The following NRXN1 variants were observed in gnomAD, a reference collection of about 807,000 sequenced individuals.
NRXN1 encodes neurexin-1.
Under a neutral mutation model 150.9 loss-of-function variants are expected in NRXN1, and 39 were observed. The ratio of observed to expected loss-of-function variants is 0.26; its 90% CI spans 0.20 to 0.34. The LOEUF is 0.34. Among genes scored for constraint, NRXN1 ranks in the 10% least tolerant of loss-of-function variants. The pLI is 1.00. For missense variants in NRXN1, 1,815 were observed against 1,949.9 expected (o/e 0.93, Z 1.30); for synonymous variants, 924 against 757.0 (o/e 1.22, Z -3.62).
intron 21 of NRXN1, among the ~76,000 whole-genome samples, chr2:50,028,451 C>G (rs6736816): frequency 0.76 from 116,250 of 152,160 alleles, 44,620 homozygotes; most frequent in Middle Eastern, 0.81. Flanking sequence ...TTGTAAATAG[C>G]CATATCTAGT....
chr2:50,260,206 C>G (rs1247316099), intron 17 of NRXN1, among the ~76,000 whole-genome samples: 1 of 151,324 alleles, frequency 6.6e-6, no homozygotes, highest in African/African-American at 2.4e-5. Context: ...GTACTGGTAG[C>G]CCATATGATG....
intron 17 of NRXN1, among the ~76,000 whole-genome samples, chr2:50,402,399 T>C (rs1278646415): frequency 6.6e-6 from 1 of 152,144 alleles, no homozygotes; most frequent in Non-Finnish European, 1.5e-5. Context: ...ATGTAAAGTA[T>C]GTTGAACTGT....
chr2:50,329,636 T>C lies in NRXN1; in HGVS notation c.3365-92666A>G, dbSNP rs1558536519. Among the ~76,000 whole-genome samples, 8 of 4,740 alleles carry C rather than the reference T, an allele frequency of 1.7e-3. 1 individual carries two copies. The highest frequency in any genetic ancestry group is 1.6e-3 in the Non-Finnish European group (5 of 3,128). The allele number at this position is 4,740 out of a possible 152,430, so 3.1% of individuals were successfully genotyped here. A position where few individuals can be genotyped will look rare whatever the true frequency, so the allele number is the denominator to read the frequency against. Reference sequence around the variant, plus strand: ...GTGTGTGTATATATATATATATATATATATATATATATATATATATATATA... The same window carrying C: ...GTGTGTGTATATATATATATATATACATATATATATATATATATATATATA... On this transcript the variant is annotated intron_variant, in intron 17 of 22. Transcript: ENST00000401669.
At chr2:50,199,120 C>A (rs1171834886) in intron 18 of NRXN1, 1 of 152,042 alleles carries the variant, frequency 6.6e-6, no homozygotes, top group Admixed American at 6.6e-5. Flanking sequence ...TCTGGATGCA[C>A]CAATTTTCGC....
intron 18 of NRXN1, among the ~76,000 whole-genome samples, chr2:50,195,306 G>C (rs902585066): frequency 7.9e-5 from 12 of 152,134 alleles, no homozygotes; most frequent in African/African-American, 2.9e-4. Flanking sequence ...ACAGCATCAT[G>C]TTTAAATGAT....
chr2:50,292,936 C>T (rs553881463), intron 17 of NRXN1, among the ~76,000 whole-genome samples: 82 of 152,152 alleles, frequency 5.4e-4, no homozygotes, highest in Middle Eastern at 6.8e-3. Context: ...GAATAGATGG[C>T]GACCTCAATA....
At chr2:50,626,416 GC>G (rs1681072335) in intron 5 of NRXN1, among the ~76,000 whole-genome samples, 1 of 151,932 alleles carries the variant, frequency 6.6e-6, no homozygotes, top group Non-Finnish European at 1.5e-5. Flanking sequence ...TGAAGAAAAT[GC>G]ATTAGGATAG....
intron 9 of NRXN1, among the ~76,000 whole-genome samples, chr2:50,542,893 T>C (rs562678925): frequency 8.5e-5 from 13 of 152,280 alleles, no homozygotes; most frequent in African/African-American, 2.6e-4. Flanking sequence ...ATTTAACTCA[T>C]AGATATGAGC....
At chr2:50,169,240 A>C (rs976414283) in intron 18 of NRXN1, among the ~76,000 whole-genome samples, 2 of 152,194 alleles carry the variant, frequency 1.3e-5, no homozygotes, top group African/African-American at 4.8e-5. Flanking sequence ...AGTATTCAAA[A>C]GTAGGTAATT....
intron 18 of NRXN1, among the ~76,000 whole-genome samples, chr2:50,125,819 T>G (rs1381163492): frequency 6.6e-6 from 1 of 152,090 alleles, no homozygotes; most frequent in African/African-American, 2.4e-5. Flanking sequence ...GTGGGTAATA[T>G]GAGAGAACCT....
At chr2:50,150,534 T>C (rs564730247) in intron 18 of NRXN1, among the ~76,000 whole-genome samples, 1 of 151,946 alleles carries the variant, frequency 6.6e-6, no homozygotes, top group South Asian at 2.1e-4. Context: ...TGCTAAATGT[T>C]CCTGTAAGGA....
At chr2:50,679,607 A>G (rs954132762) in intron 5 of NRXN1, among the ~76,000 whole-genome samples, 1 of 152,162 alleles carries the variant, frequency 6.6e-6, no homozygotes, top group African/African-American at 2.4e-5. Context: ...TGACAGTAAG[A>G]CCCTGCAAAA....
At chr2:50,278,797 C>T (rs555749515) in intron 17 of NRXN1, among the ~76,000 whole-genome samples, 2 of 152,100 alleles carry the variant, frequency 1.3e-5, no homozygotes, top group East Asian at 1.9e-4. Context: ...AGCAACAGCT[C>T]GAAGACTTCT....
intron 4 of NRXN1, 119 bp downstream of exon 4, chr2:50,922,539 A>G: frequency 1.1e-6 from 1 of 914,342 alleles, no homozygotes; most frequent in Admixed American, 2.0e-5. Context: ...AAAGATATGT[A>G]TTTAATTTGC....
intron 17 of NRXN1, among the ~76,000 whole-genome samples, chr2:50,326,105 G>C (rs914034864): frequency 6.6e-6 from 1 of 151,990 alleles, no homozygotes; most frequent in Admixed American, 6.6e-5. Context: ...AAGAAAATAA[G>C]ACACGATTTT....
intron 5 of NRXN1, among the ~76,000 whole-genome samples, chr2:50,751,891 A>G (rs1446812971): frequency 6.6e-6 from 1 of 151,954 alleles, no homozygotes; most frequent in Middle Eastern, 3.2e-3. Context: ...CCAGAAAACT[A>G]TTTGAGGGTT....
chr2:51,002,525 C>T (rs1471238905), intron 2 of NRXN1, among the ~76,000 whole-genome samples: 1 of 151,848 alleles, frequency 6.6e-6, no homozygotes, highest in Non-Finnish European at 1.5e-5. Flanking sequence ...CCGTAAGAAA[C>T]ACACATTTAT....
At chr2:50,342,982 T>C (rs2152994242) in intron 17 of NRXN1, among the ~76,000 whole-genome samples, 1 of 152,338 alleles carries the variant, frequency 6.6e-6, no homozygotes, top group Middle Eastern at 3.4e-3. Context: ...TGAAAGTGTC[T>C]CAGAAACAGA....
At chr2:50,763,793 G>C (rs1278010938) in intron 5 of NRXN1, among the ~76,000 whole-genome samples, 2 of 151,926 alleles carry the variant, frequency 1.3e-5, no homozygotes, top group East Asian at 3.9e-4. Flanking sequence ...AACAGCTAGT[G>C]ATCTGCCTCC....
Sources: allele counts gnomAD v4.1 joint callset (sites outside exome capture counted in the v4.1 genomes callset), GRCh38; gene constraint gnomAD v4.1.1; transcripts MANE v1.5; gene names NCBI Gene and HGNC (gene_info 2026-07-23, HGNC 2026-07-21).